The following C12orf42 variants were observed in gnomAD, a reference collection of about 807,000 sequenced individuals.
C12orf42 encodes the protein chromosome 12 open reading frame 42.
In C12orf42, 25 loss-of-function variants were observed where a neutral mutation model predicts 21.6. The observed-to-expected ratio is 1.16, with a 90% CI of 0.84 to 1.62. C12orf42 has a LOEUF of 1.62. Ranked by LOEUF, C12orf42 falls within the 40% of genes most tolerant of loss-of-function variation. The pLI, the probability that C12orf42 is intolerant of heterozygous loss-of-function variation, is 0.00. For synonymous variants in C12orf42, 174 were observed against 175.0 expected (o/e 0.99, Z 0.05); for missense variants, 483 against 459.3 (o/e 1.05, Z -0.47).
At chr12:103,236,300 G>T (rs2033465087), downstream of C12orf42, among the ~76,000 whole-genome samples, 1 of 152,116 alleles carries the variant, frequency 6.6e-6, no homozygotes. Flanking sequence ...TTTGCCAGAT[G>T]AATAAATTCT....
At chr12:103,217,286 G>C in the C12orf42 span, among the ~76,000 whole-genome samples, 5 of 152,046 alleles carry the variant, frequency 3.3e-5, no homozygotes, top group Non-Finnish European at 7.4e-5. Flanking sequence ...TTGGGAGGCC[G>C]AGGCGAGAGA....
At chr12:103,536,375 A>T in the C12orf42 span, among the ~76,000 whole-genome samples, 6 of 152,196 alleles carry the variant, frequency 3.9e-5, no homozygotes, top group African/African-American at 1.2e-4. Flanking sequence ...ATGGGTGTCG[A>T]TCTCAGGAAA....
At chr12:103,101,314 G>A in the C12orf42 span, among the ~76,000 whole-genome samples, 1 of 152,182 alleles carries the variant, frequency 6.6e-6, no homozygotes, top group Admixed American at 6.5e-5. Flanking sequence ...ATTTCATTCT[G>A]AGAGGAATGA....
the C12orf42 span, among the ~76,000 whole-genome samples, chr12:103,115,671 A>T: frequency 2.6e-4 from 39 of 152,366 alleles, no homozygotes; most frequent in African/African-American, 7.9e-4. Context: ...GACACATAGT[A>T]TGTGCTCATT....
the C12orf42 span, among the ~76,000 whole-genome samples, chr12:103,201,285 G>A: frequency 2.0e-5 from 3 of 152,176 alleles, no homozygotes; most frequent in Admixed American, 2.0e-4. Context: ...TAGTGGATCA[G>A]AGTGGCAGCA....
the C12orf42 span, among the ~76,000 whole-genome samples, chr12:103,173,485 C>G: frequency 6.6e-6 from 1 of 152,064 alleles, no homozygotes; most frequent in East Asian, 1.9e-4. Context: ...TCTAAAAGCC[C>G]CTGCCTGCAG....
chr12:103,536,630 C>A, the C12orf42 span, among the ~76,000 whole-genome samples: 1 of 152,244 alleles, frequency 6.6e-6, no homozygotes, highest in African/African-American at 2.4e-5. Context: ...GAGAAGGGTG[C>A]CACAAGCTCT....
intron 4 of C12orf42, among the ~76,000 whole-genome samples, chr12:103,354,001 G>A (rs556935760): frequency 9.2e-5 from 14 of 152,240 alleles, no homozygotes; most frequent in Admixed American, 6.5e-5. Context: ...ACCGCTTTCC[G>A]TTGCCTATAA....
chr12:103,335,316 C>T (rs1010879921), intron 4 of C12orf42, among the ~76,000 whole-genome samples: 9 of 152,278 alleles, frequency 5.9e-5, no homozygotes, highest in Admixed American at 2.6e-4. Flanking sequence ...TAAACACTTA[C>T]CTCCACACTC....
chr12:103,119,825 C>T, the C12orf42 span, among the ~76,000 whole-genome samples: 3 of 152,238 alleles, frequency 2.0e-5, no homozygotes, highest in Non-Finnish European at 4.4e-5. Context: ...TCGAAGCCAA[C>T]CACTGCCCTT....
the C12orf42 span, among the ~76,000 whole-genome samples, chr12:103,153,828 A>G: frequency 0.3 from 45,072 of 151,684 alleles, 7,076 homozygotes; most frequent in East Asian, 0.4. Flanking sequence ...AGAAATTCAT[A>G]CATATACTCA....
chr12:103,226,574 C>G, the C12orf42 span, among the ~76,000 whole-genome samples: 1 of 152,236 alleles, frequency 6.6e-6, no homozygotes, highest in Middle Eastern at 3.4e-3. Context: ...CTCCAGCCAC[C>G]TTTTTAAGAG....
At chr12:103,526,195 A>G in the C12orf42 span, among the ~76,000 whole-genome samples, 1 of 152,204 alleles carries the variant, frequency 6.6e-6, no homozygotes, top group African/African-American at 2.4e-5. Context: ...CCTTAATAAT[A>G]TTTTTGTAAT....
the C12orf42 span, among the ~76,000 whole-genome samples, chr12:103,204,500 T>C: frequency 6.6e-6 from 1 of 152,218 alleles, no homozygotes; most frequent in African/African-American, 2.4e-5. Flanking sequence ...CTCTTTTGTT[T>C]AAATAACTAG....
At chr12:103,214,336 A>G in the C12orf42 span, among the ~76,000 whole-genome samples, 1 of 152,290 alleles carries the variant, frequency 6.6e-6, no homozygotes, top group Non-Finnish European at 1.5e-5. Flanking sequence ...GGGGCTATTC[A>G]GATGCTTCAC....
chr12:103,169,000 G>A, the C12orf42 span, among the ~76,000 whole-genome samples: 3 of 151,910 alleles, frequency 2.0e-5, no homozygotes, highest in African/African-American at 7.3e-5. Flanking sequence ...TCACACACTG[G>A]AGCCTGTTGG....
intron 1 of C12orf42, among the ~76,000 whole-genome samples, chr12:103,483,510 A>G (rs1954614314): frequency 1.3e-5 from 2 of 152,156 alleles, no homozygotes; most frequent in Non-Finnish European, 1.5e-5. Flanking sequence ...AACATGGCAT[A>G]AGGACTCAAG....
the C12orf42 span, chr12:103,167,910 GTGTT>G: frequency 0.015 from 3,581 of 239,880 alleles, 125 homozygotes; most frequent in African/African-American, 0.1. Context: ...GTGTGTGTGT[GTGTT>G]TGTGTCTGTG....
At chr12:103,387,707 T>C (rs1309759475) in intron 3 of C12orf42, among the ~76,000 whole-genome samples, 8 of 152,228 alleles carry the variant, frequency 5.3e-5, no homozygotes, top group Admixed American at 3.3e-4. Flanking sequence ...GCTCTAATAC[T>C]GGAAACTATC....
Sources: allele counts gnomAD v4.1 joint callset (sites outside exome capture counted in the v4.1 genomes callset), GRCh38; gene constraint gnomAD v4.1.1; transcripts MANE v1.5; gene names NCBI Gene and HGNC (gene_info 2026-07-23, HGNC 2026-07-21).